Variants in TBC1D13 observed in about 807,000 individuals in gnomAD.
TBC1D13 encodes epididymis secretory sperm binding protein.
In TBC1D13, 40 loss-of-function variants were observed where a neutral mutation model predicts 53.6. The observed-to-expected ratio is 0.75, with a 90% CI of 0.58 to 0.97. The LOEUF is 0.97. Among genes scored for constraint, TBC1D13 ranks in the 50% least tolerant of loss-of-function variants. TBC1D13 has a pLI of 0.00. For missense variants in TBC1D13, 377 were observed against 499.4 expected (o/e 0.75, Z 2.34); for synonymous variants, 182 against 197.7 (o/e 0.92, Z 0.67).
chr9:128,799,229 T>G (rs1226023604), intron 7 of TBC1D13, among the ~76,000 whole-genome samples: 1 of 152,232 alleles, frequency 6.6e-6, no homozygotes, highest in African/African-American at 2.4e-5. Context: ...TTCCTTTCAC[T>G]GTAGTAACTA....
Position 128,803,447 on chromosome 9 carries a change from T to C in TBC1D13, c.741T>C (p.Asn247=), listed in dbSNP as rs1296847012. The C allele has an allele frequency of 2.5e-6, 4 of 1,613,812 alleles. No individual in the cohort carries two copies. The highest frequency in any genetic ancestry group is 3.4e-6 in the Non-Finnish European group (4 of 1,179,968). ...ACTACACCTTTGCCACCGACCCCAA[T>C]AGTGAGTGGAAAGGTAAGAAGGCTC... ...PLYYTFATDP[N]SEWKEHAEAD... The change falls in exon 8 of 12, where the codon AAT becomes AAC. Residue 247 remains asparagine (N), a synonymous_variant. Transcript: ENST00000372648.
At chr9:128,806,814 G>T (rs1829843303) in intron 11 of TBC1D13, among the ~76,000 whole-genome samples, 1 of 152,020 alleles carries the variant, frequency 6.6e-6, no homozygotes, top group Non-Finnish European at 1.5e-5. Flanking sequence ...TTGGTGGCAT[G>T]CACCTGTAAT....
At position 128,789,812 on chromosome 9, in the gene TBC1D13, T is replaced by TATATATATGTATGTATGA. The variant is rs11269563; in HGVS notation, c.98-922_98-921insTATATATGTATGTATGAA. The TATATATATGTATGTATGA allele has an allele frequency of 3.8e-5, 5 of 132,396 alleles. No individual in the cohort carries two copies. The Admixed American group carries it at 3.8e-4, about 10-fold the overall frequency. The allele number at this position is 132,396 out of a possible 1,614,324, so 8.2% of individuals were successfully genotyped here. A position where few individuals can be genotyped will look rare whatever the true frequency, so the allele number is the denominator to read the frequency against. ...TACACCATATATATATATATATATA[T>TATATATATGTATGTATGA]AATAATTCCACTTATGACAGATGCT... On this transcript the variant is annotated intron_variant, in intron 2 of 11. Coordinates refer to ENST00000372648, the MANE Select transcript of TBC1D13 (RefSeq NM_018201.5).
chr9:128,790,728 TC>T lies in TBC1D13; in HGVS notation c.98-5del. ...TGGGGCATGACCTTTGCCTGCTGTG[TC>T]CACAGGCATCCCCTGTGAGGGCGGA... On this transcript the variant is annotated splice_region_variant and splice_polypyrimidine_tract_variant and intron_variant, in intron 2 of 11. Transcript: ENST00000372648. 6.5e-7 allele frequency: 1 copy of T among 1,550,336 alleles called. No individual in the cohort carries two copies. Among genetic ancestry groups the T allele is most frequent in the Middle Eastern group, 1.7e-4 (1 of 5,846 alleles).
At chr9:128,792,419 A>G (rs1829549458) in intron 5 of TBC1D13, 73 bp from the exon 6 acceptor site, 1 of 1,373,144 alleles carries the variant, frequency 7.3e-7, no homozygotes, top group African/African-American at 1.4e-5. Context: ...GCCACTGCTC[A>G]GGTTTCCGGG....
chr9:128,797,241 G>T, intron 7 of TBC1D13, 27 bp downstream of exon 7: 1 of 1,611,798 alleles, frequency 6.2e-7, no homozygotes, highest in Non-Finnish European at 8.5e-7. Flanking sequence ...GGTCCCCAGG[G>T]ACTCCCCCAA....
chr9:128,798,646 A>G (rs1829678614), intron 7 of TBC1D13, among the ~76,000 whole-genome samples: 1 of 152,140 alleles, frequency 6.6e-6, no homozygotes, highest in African/African-American at 2.4e-5. Context: ...CCCAACTTTT[A>G]ATAGATTCCT....
At chr9:128,787,698 C>T (rs1420294401) in intron 1 of TBC1D13, among the ~76,000 whole-genome samples, 1 of 146,038 alleles carries the variant, frequency 6.8e-6, no homozygotes, top group East Asian at 2.1e-4. Flanking sequence ...CTCCCGTACT[C>T]TCTCCAAGTG....
chr9:128,790,788 G>T lies in TBC1D13; in HGVS notation c.138+13G>T. ...CCTCTGCTGGAAGGTGGGTGTGCCT[G>T]GGGTGGGGCTTCTGCTCTGCTGAGA... On this transcript the variant is annotated intron_variant, in intron 3 of 11. Transcript: ENST00000372648. The T allele has an allele frequency of 6.4e-7, 1 of 1,558,798 alleles. No homozygotes were observed. Among genetic ancestry groups the T allele is most frequent in the Non-Finnish European group, 8.6e-7 (1 of 1,161,496 alleles).
In TBC1D13 at chr9:128,792,537, G is replaced by T; in HGVS notation, c.346G>T (p.Asp116Tyr). The change falls in exon 6 of 12, where the codon GAC (aspartate) becomes TAC (tyrosine). Residue 116 changes from aspartate to tyrosine, a missense_variant. Physicochemically the swap from Asp to Tyr is radical, Grantham distance 160 (BLOSUM62 -3). Transcript: ENST00000372648. ...PDSRWNTYFK[D>Y]NEVLLQIDKD... is the part of the protein sequence containing the mutation. ...CAGCCGGTGGAACACGTACTTCAAG[G>T]ACAACGAGGTGCTGCTGCAGATCGA... 1 of 1,614,118 alleles carries T rather than the reference G, an allele frequency of 6.2e-7. No individual in the cohort carries two copies. The highest frequency in any genetic ancestry group is 1.1e-5 in the South Asian group (1 of 91,080).
chr9:128,787,697 T>A lies in TBC1D13; in HGVS notation c.23+321T>A, dbSNP rs1829454547. Among the ~76,000 whole-genome samples, 6 of 128,052 alleles carry A rather than the reference T, an allele frequency of 4.7e-5. No individual in the cohort carries two copies. In the Admixed American group the frequency reaches 5.7e-4, roughly 12 times the overall value. The allele number at this position is 128,052 out of a possible 152,430, so 84.0% of individuals were successfully genotyped here. On this transcript the variant is annotated intron_variant, in intron 1 of 11. Coordinates refer to ENST00000372648, the MANE Select transcript of TBC1D13 (RefSeq NM_018201.5). Reference sequence around the variant, plus strand: ...CCTTTTGATCCCCCTGCTCCCGTACTCTCTCCAAGTGCACCCTGTCCCCCG... The same window carrying A: ...CCTTTTGATCCCCCTGCTCCCGTACACTCTCCAAGTGCACCCTGTCCCCCG...
intron 8 of TBC1D13, 91 bp from the exon 9 acceptor site, chr9:128,803,865 G>A: frequency 6.5e-7 from 1 of 1,535,588 alleles, no homozygotes; most frequent in Non-Finnish European, 8.8e-7. Context: ...GGGCAACTCG[G>A]CGGGGCTCAG....
chr9:128,792,703 C>G (rs1351607394), intron 6 of TBC1D13, 129 bp downstream of exon 6: 1 of 817,104 alleles, frequency 1.2e-6, no homozygotes, highest in Non-Finnish European at 2.0e-6. Flanking sequence ...ATTGTCCCAG[C>G]GGTTGGGTCC....
chr9:128,807,836 G>A lies in TBC1D13; in HGVS notation c.1160G>A (p.Cys387Tyr). The A allele has an allele frequency of 6.2e-7, 1 of 1,614,188 alleles. No individual in the cohort carries two copies. The highest frequency in any genetic ancestry group is 8.5e-7 in the Non-Finnish European group (1 of 1,180,026). Residue 387 changes from cysteine to tyrosine, a missense_variant, in exon 12 of 12, where the codon TGC becomes TAC. Coordinates refer to ENST00000372648, the MANE Select transcript of TBC1D13 (RefSeq NM_018201.5). ...CAGGACTACCCCATCACAGATGTCT[G>A]CCAGATCCTGCAGAAAGCCAAGGAG... is the stretch of plus-strand genomic sequence containing the variant. ...LLQDYPITDVCQILQKAKELQ... is the reference protein window; with the variant it reads ...LLQDYPITDVYQILQKAKELQ...
chr9:128,798,959 C>T (rs906278200), intron 7 of TBC1D13, among the ~76,000 whole-genome samples: 1 of 152,212 alleles, frequency 6.6e-6, no homozygotes, highest in African/African-American at 2.4e-5. Flanking sequence ...AGCGATCCTC[C>T]TACCTGGGCC....
At chr9:128,790,257 C>CAA (rs10658153) in intron 2 of TBC1D13, among the ~76,000 whole-genome samples, 1,119 of 107,930 alleles carry the variant, frequency 0.01, 56 homozygotes, top group African/African-American at 0.028. Flanking sequence ...ACTTTGTCTC[C>CAA]AAAAAAAAAA....
At position 128,803,240 on chromosome 9, in the gene TBC1D13, TCTC is replaced by T. The variant is rs1437260874; in HGVS notation, c.544-5_544-3del. ...GTCTTTCTTGATGGGCTCCTCCTCTTCTCCTCCAGATGAGCTCCCCACACAAGA... is the reference window on the plus strand; with the variant it reads ...GTCTTTCTTGATGGGCTCCTCCTCTTCTCCAGATGAGCTCCCCACACAAGA... On this transcript the variant is annotated splice_region_variant and splice_polypyrimidine_tract_variant and intron_variant, in intron 7 of 11. Transcript: ENST00000372648. 4 of 1,613,018 alleles carry T rather than the reference TCTC, an allele frequency of 2.5e-6. No individual in the cohort carries two copies. The highest frequency in any genetic ancestry group is 3.4e-6 in the Non-Finnish European group (4 of 1,179,220).
intron 2 of TBC1D13, 58 bp from the exon 3 acceptor site, chr9:128,790,677 G>A: frequency 2.7e-6 from 4 of 1,506,612 alleles, no homozygotes; most frequent in Non-Finnish European, 3.5e-6. Flanking sequence ...CCACGGTGAA[G>A]GGCTGGGGGT....
chr9:128,806,306 C>T lies in TBC1D13; in HGVS notation c.1132C>T (p.Leu378=). ...EGDFTVNMRL[L]QDYPITDVCQ... ...GGACTTCACTGTGAATATGCGGCTG[C>T]TGCAGGTAATGGGAGTTGGGGGCAG... The change falls in exon 11 of 12, where the codon CTG becomes TTG. Residue 378 remains leucine (L), a synonymous_variant. Transcript: ENST00000372648. 6.2e-7 allele frequency: 1 copy of T among 1,614,120 alleles called. No individual in the cohort carries two copies.
Sources: gnomAD v4.1 joint callset for allele counts (sites outside exome capture counted in the v4.1 genomes callset) on GRCh38, gnomAD v4.1.1 for gene constraint, MANE v1.5 for transcripts, NCBI Gene and HGNC (gene_info 2026-07-23, HGNC 2026-07-21) for gene names.